The following DSE variants were observed in gnomAD, a reference collection of about 807,000 sequenced individuals.
DSE encodes the protein dermatan sulfate epimerase.
DSE carries 36 observed loss-of-function variants against 84.4 expected under a neutral mutation model. The ratio of observed to expected loss-of-function variants is 0.43; its 90% CI spans 0.33 to 0.56. DSE has a LOEUF of 0.56. DSE is among the 20% of genes least tolerant of loss of function. The pLI, the probability that DSE is intolerant of heterozygous loss-of-function variation, is 0.06. For missense variants in DSE, 862 were observed against 1,169.6 expected, an observed-to-expected ratio of 0.74 and a Z score of 3.84; for synonymous variants, 410 against 430.1, an observed-to-expected ratio of 0.95 and a Z score of 0.58.
chr6:116,392,409 G>A (rs149394103), intron 1 of DSE, among the ~76,000 whole-genome samples: 135 of 152,232 alleles, frequency 8.9e-4, no homozygotes, highest in African/African-American at 3.1e-3. Context: ...TCTTGCCATG[G>A]ATATGGGCAC....
intron 2 of DSE, among the ~76,000 whole-genome samples, chr6:116,267,028 C>T (rs1459220424): frequency 1.3e-5 from 2 of 152,146 alleles, no homozygotes; most frequent in Non-Finnish European, 2.9e-5. Context: ...TAACTCATTA[C>T]TCATGTATTG....
intron 2 of DSE, among the ~76,000 whole-genome samples, chr6:116,353,611 G>A (rs1778433018): frequency 6.6e-6 from 1 of 152,102 alleles, no homozygotes; most frequent in Non-Finnish European, 1.5e-5. Flanking sequence ...AAAAGATGAG[G>A]CATTGATATT....
At chr6:116,430,197 G>T (rs1783733580) in intron 3 of DSE, among the ~76,000 whole-genome samples, 1 of 152,114 alleles carries the variant, frequency 6.6e-6, no homozygotes, top group Non-Finnish European at 1.5e-5. Context: ...TGGTTTCTCA[G>T]CCCCACTGTG....
chr6:116,336,245 C>T (rs1445510093), intron 2 of DSE, among the ~76,000 whole-genome samples: 1 of 152,106 alleles, frequency 6.6e-6, no homozygotes, highest in Non-Finnish European at 1.5e-5. Flanking sequence ...ATGACATAGA[C>T]AGAATCTAAA....
At chr6:116,417,140 T>A (rs1347433659) in intron 2 of DSE, among the ~76,000 whole-genome samples, 3 of 152,228 alleles carry the variant, frequency 2.0e-5, no homozygotes, top group Admixed American at 2.0e-4. Context: ...TAAATTTGAA[T>A]AATTTTTACT....
intron 2 of DSE, 149 bp from the exon 3 acceptor site, chr6:116,426,425 T>G: frequency 2.0e-6 from 2 of 989,558 alleles, no homozygotes; most frequent in South Asian, 4.4e-5. Flanking sequence ...CGCTTGTTTC[T>G]AATGTGGAGG....
At chr6:116,386,393 A>G (rs1780580625) in intron 1 of DSE, among the ~76,000 whole-genome samples, 1 of 152,236 alleles carries the variant, frequency 6.6e-6, no homozygotes, top group Non-Finnish European at 1.5e-5. Context: ...ATTTGTTATC[A>G]TCTGGTTATG....
At chr6:116,364,306 A>G (rs1393352405) in intron 2 of DSE, among the ~76,000 whole-genome samples, 1 of 152,264 alleles carries the variant, frequency 6.6e-6, no homozygotes, top group African/African-American at 2.4e-5. Context: ...GAAAGAAAAC[A>G]TGGAAAAAGA....
upstream of DSE, chr6:116,367,307 AGGGTAAG>A (rs762137091): frequency 1.3e-5 from 2 of 152,322 alleles, no homozygotes; most frequent in Non-Finnish European, 2.9e-5. Context: ...CTATAGGTGC[AGGGTAAG>A]GCAGTTTTAC....
intron 1 of DSE, among the ~76,000 whole-genome samples, chr6:116,397,043 C>A (rs1342354752): frequency 2.0e-5 from 3 of 152,024 alleles, no homozygotes; most frequent in East Asian, 3.8e-4. Context: ...TCTTTCACTG[C>A]ATGTACGTTG....
At chr6:116,285,231 A>G (rs1773810901) in intron 2 of DSE, among the ~76,000 whole-genome samples, 1 of 152,274 alleles carries the variant, frequency 6.6e-6, no homozygotes, top group East Asian at 1.9e-4. Flanking sequence ...ATGAGATGGT[A>G]TCTCATTGTG....
chr6:116,419,360 C>T (rs1480975994), intron 2 of DSE, among the ~76,000 whole-genome samples: 1 of 152,196 alleles, frequency 6.6e-6, no homozygotes, highest in Non-Finnish European at 1.5e-5. Context: ...ATCACTACTG[C>T]ATTAGTCATG....
chr6:116,437,396 A>C lies in DSE; in HGVS notation c.*51A>C, dbSNP rs1784254743. On this transcript the variant is annotated 3_prime_UTR_variant, in exon 6 of 6. Coordinates refer to ENST00000644252, the MANE Select transcript of DSE (RefSeq NM_013352.4). ...ATTTTGTGATCACAAGAGTCTATGC[A>C]AAAAAAAAAATTTCTTTACCCCAGA... The C allele has an allele frequency of 3.8e-6, 4 of 1,047,402 alleles. No homozygotes were observed. The highest frequency in any genetic ancestry group is 5.1e-6 in the Non-Finnish European group (4 of 790,600). 64.9% of individuals were successfully genotyped at this position (1,047,402 alleles called of 1,614,324 possible).
chr6:116,388,313 C>G (rs189511650), intron 1 of DSE, among the ~76,000 whole-genome samples: 1 of 152,226 alleles, frequency 6.6e-6, no homozygotes, highest in East Asian at 1.9e-4. Flanking sequence ...GCAGTTAGGC[C>G]GAGAGAAAAT....
chr6:116,355,440 G>C (rs774897223), intron 2 of DSE, among the ~76,000 whole-genome samples: 7 of 152,090 alleles, frequency 4.6e-5, no homozygotes, highest in Non-Finnish European at 8.8e-5. Flanking sequence ...CTCCAATTAG[G>C]CCACAGACTC....
In DSE at chr6:116,444,597, C is replaced by T. The variant is rs1784524730; in HGVS notation, c.*7252C>T. 1 of 152,116 alleles carries T rather than the reference C, an allele frequency of 6.6e-6. No homozygotes were observed. The highest frequency in any genetic ancestry group is 2.4e-5 in the African/African-American group (1 of 41,426). The allele number at this position is 152,116 out of a possible 1,614,324, so 9.4% of individuals were successfully genotyped here. A position where few individuals can be genotyped will look rare whatever the true frequency, so the allele number is the denominator to read the frequency against. On this transcript the variant is annotated 3_prime_UTR_variant, in exon 6 of 6. Coordinates refer to ENST00000644252, the MANE Select transcript of DSE (RefSeq NM_013352.4). ...AAAATTAATATGTTGAAACCTAATC[C>T]TTAATGTGATAGTATTAGGATGTGG...
intron 3 of DSE, among the ~76,000 whole-genome samples, chr6:116,429,667 G>GTTATTGTCAACTAAGT (rs1583225025): frequency 0.048 from 4,160 of 86,908 alleles, 1,126 homozygotes; most frequent in African/African-American, 0.061. Flanking sequence ...ATGAGGAGTT[G>GTTATTGTCAACTAAGT]GCCGGGCGCG....
At chr6:116,306,315 T>A (rs1437926850) in intron 2 of DSE, among the ~76,000 whole-genome samples, 2 of 152,228 alleles carry the variant, frequency 1.3e-5, no homozygotes, top group Admixed American at 6.5e-5. Context: ...GACTTTATTA[T>A]AACATACATA....
At chr6:116,284,867 G>A (rs761849259) in intron 2 of DSE, among the ~76,000 whole-genome samples, 15 of 151,966 alleles carry the variant, frequency 9.9e-5, no homozygotes, top group Non-Finnish European at 1.3e-4. Context: ...TTTTATGGCT[G>A]CACAGTATTC....
Sources: allele counts gnomAD v4.1 joint callset (sites outside exome capture counted in the v4.1 genomes callset), GRCh38; gene constraint gnomAD v4.1.1; transcripts MANE v1.5; gene names NCBI Gene and HGNC (gene_info 2026-07-23, HGNC 2026-07-21).